Variants in ENTPD1 observed in about 807,000 individuals in gnomAD.
ENTPD1 encodes ATP diphosphohydrolase.
Under a neutral mutation model 57.0 loss-of-function variants are expected in ENTPD1, and 33 were observed. The observed-to-expected ratio is 0.58, with a 90% CI of 0.44 to 0.77. ENTPD1 has a LOEUF of 0.77. Ranked by LOEUF, ENTPD1 falls within the 30% of genes least tolerant of loss-of-function variation. ENTPD1 has a pLI of 0.00. For synonymous variants in ENTPD1, 202 were observed against 218.8 expected, an observed-to-expected ratio of 0.92 and a Z score of 0.68; for missense variants, 501 against 603.4, an observed-to-expected ratio of 0.83 and a Z score of 1.78.
Position 95,871,482 on chromosome 10 carries a change from A to G in ENTPD1, c.*5099A>G. On this transcript the variant is annotated 3_prime_UTR_variant, in exon 10 of 10. Coordinates refer to ENST00000371205, the MANE Select transcript of ENTPD1 (RefSeq NM_001776.6). ...ATTTTTCTTATTTTATACGTTTAGG[A>G]CAATGTATAGCTAATTACCCAACTT... 1.0e-6 allele frequency: 1 copy of G among 985,360 alleles called. No individual in the cohort carries two copies. Among genetic ancestry groups the G allele is most frequent in the Non-Finnish European group, 1.2e-6 (1 of 829,854 alleles). 61.0% of individuals were successfully genotyped at this position (985,360 alleles called of 1,614,324 possible). A position where few individuals can be genotyped will look rare whatever the true frequency, so the allele number is the denominator to read the frequency against.
chr10:95,723,683 C>G (rs985731720), intron 1 of ENTPD1, among the ~76,000 whole-genome samples: 1 of 152,178 alleles, frequency 6.6e-6, no homozygotes, highest in East Asian at 1.9e-4. Context: ...TAGGGGCACA[C>G]ACATGGGCAA....
intron 1 of ENTPD1, among the ~76,000 whole-genome samples, chr10:95,809,582 C>T (rs1472464060): frequency 8.4e-6 from 1 of 118,600 alleles, no homozygotes; most frequent in Non-Finnish European, 1.9e-5. Flanking sequence ...GGCGCCCCCC[C>T]ACCTCCCAGA....
chr10:95,705,240 G>A, the ENTPD1 span, among the ~76,000 whole-genome samples: 2 of 151,426 alleles, frequency 1.3e-5, no homozygotes, highest in Non-Finnish European at 2.9e-5. Context: ...CTATGACCCA[G>A]CAAAATATAC....
At chr10:95,765,132 G>C (rs966724222) in intron 1 of ENTPD1, among the ~76,000 whole-genome samples, 38 of 151,982 alleles carry the variant, frequency 2.5e-4, no homozygotes, top group Admixed American at 2.4e-3. Context: ...CCATTCTGTG[G>C]GTTGTCTTTT....
chr10:95,758,943 G>C (rs1019980804), intron 1 of ENTPD1, among the ~76,000 whole-genome samples: 5 of 152,140 alleles, frequency 3.3e-5, no homozygotes, highest in Admixed American at 2.0e-4. Flanking sequence ...GGTCAGCTTG[G>C]CAGCCACATT....
intron 1 of ENTPD1, among the ~76,000 whole-genome samples, chr10:95,728,514 T>C (rs1441965645): frequency 6.6e-6 from 1 of 152,208 alleles, no homozygotes; most frequent in African/African-American, 2.4e-5. Flanking sequence ...TGGCATGACT[T>C]TTCTCTGCTT....
upstream of ENTPD1, chr10:95,756,151 AG>A (rs1159774708): frequency 6.4e-7 from 1 of 1,555,500 alleles, no homozygotes; most frequent in East Asian, 2.4e-5. Flanking sequence ...TGTTTCCTTG[AG>A]GACCTCTCTC....
chr10:95,791,906 T>C lies in ENTPD1; in HGVS notation c.17-31331T>C, dbSNP rs2098205629. Among the ~76,000 whole-genome samples the C allele has an allele frequency of 6.6e-6, 1 of 151,986 alleles. No individual in the cohort carries two copies. Among genetic ancestry groups the C allele is most frequent in the Admixed American group, 6.6e-5 (1 of 15,254 alleles). On this transcript the variant is annotated intron_variant, in intron 1 of 9. Coordinates refer to ENST00000371205, the MANE Select transcript of ENTPD1 (RefSeq NM_001776.6). This position sits in a 1 kb window ranked among gnomAD's most constrained non-coding sequence, Gnocchi z 4.1. Reference sequence around the variant, plus strand: ...GTTTGAAAAAGAGAAATCATGTTCATGGGGGGTATTTTAGAAGTCAGCATG... The same window carrying C: ...GTTTGAAAAAGAGAAATCATGTTCACGGGGGGTATTTTAGAAGTCAGCATG...
chr10:95,780,230 A>G (rs2098151457), intron 1 of ENTPD1, among the ~76,000 whole-genome samples: 1 of 152,220 alleles, frequency 6.6e-6, no homozygotes, highest in Non-Finnish European at 1.5e-5. Flanking sequence ...TTGTAGCACT[A>G]TTCACAATAG....
intron 3 of ENTPD1, among the ~76,000 whole-genome samples, chr10:95,840,782 GTCTC>G (rs1243816511): frequency 6.6e-6 from 1 of 151,944 alleles, no homozygotes; most frequent in Non-Finnish European, 1.5e-5. Flanking sequence ...TTATACCACA[GTCTC>G]TCTGACTTTT....
intron 1 of ENTPD1, among the ~76,000 whole-genome samples, chr10:95,746,471 A>AG (rs1474822215): frequency 6.6e-6 from 1 of 152,204 alleles, no homozygotes; most frequent in Non-Finnish European, 1.5e-5. Context: ...TTTAAAAAAA[A>AG]ACGTGGCTGA....
chr10:95,790,561 C>T (rs1488151464), intron 1 of ENTPD1, among the ~76,000 whole-genome samples: 1 of 152,156 alleles, frequency 6.6e-6, no homozygotes, highest in East Asian at 1.9e-4. Flanking sequence ...TAATAAACCA[C>T]TGTATACTTA....
chr10:95,707,707 C>T (rs796416557), upstream of ENTPD1, among the ~76,000 whole-genome samples: 13 of 152,272 alleles, frequency 8.5e-5, no homozygotes, highest in African/African-American at 2.6e-4. Flanking sequence ...TGCCTTCAAG[C>T]GATTCTCGTG....
intron 8 of ENTPD1, 79 bp from the exon 9 acceptor site, chr10:95,864,645 T>C: frequency 6.3e-7 from 1 of 1,589,802 alleles, no homozygotes; most frequent in Non-Finnish European, 8.6e-7. Context: ...CCTCTCTTCA[T>C]CAGGGCTAGT....
intron 1 of ENTPD1, among the ~76,000 whole-genome samples, chr10:95,786,278 C>T (rs573734681): frequency 6.6e-6 from 1 of 152,260 alleles, no homozygotes; most frequent in African/African-American, 2.4e-5. Flanking sequence ...ACACAGCTTC[C>T]TTTGACTTTA....
intron 1 of ENTPD1, among the ~76,000 whole-genome samples, chr10:95,719,747 A>T (rs11188446): frequency 0.49 from 74,176 of 151,220 alleles, 18,544 homozygotes; most frequent in East Asian, 0.74. Context: ...AGGTATGAGA[A>T]TTGACTCAAG....
intron 8 of ENTPD1, 149 bp from the exon 9 acceptor site, chr10:95,864,575 C>A: frequency 2.0e-6 from 2 of 991,482 alleles, no homozygotes; most frequent in Non-Finnish European, 3.1e-6. Flanking sequence ...GAGTGCAGCA[C>A]CACCCCCAAA....
chr10:95,842,221 A>ATAG (rs2098424039), intron 3 of ENTPD1, 123 bp from the exon 4 acceptor site: 2 of 862,404 alleles, frequency 2.3e-6, no homozygotes, highest in East Asian at 5.3e-5. Flanking sequence ...AACCTAATGT[A>ATAG]TAGTACATCA....
At chr10:95,790,046 T>C (rs2098197082) in intron 1 of ENTPD1, among the ~76,000 whole-genome samples, 1 of 152,186 alleles carries the variant, frequency 6.6e-6, no homozygotes, top group Non-Finnish European at 1.5e-5. Context: ...CCACGAGTGA[T>C]ATTGGAAGTG....
Sources: allele counts gnomAD v4.1 joint callset (sites outside exome capture counted in the v4.1 genomes callset), GRCh38; gene constraint gnomAD v4.1.1; non-coding constraint Gnocchi (gnomAD v3.1); transcripts MANE v1.5; gene names NCBI Gene and HGNC (gene_info 2026-07-23, HGNC 2026-07-21).